Variants in CADPS observed in about 807,000 individuals in gnomAD.
CADPS encodes the protein calcium dependent secretion activator, also known as calcium-dependent secretion activator 1.
A neutral mutation model predicts 167.3 loss-of-function variants in CADPS; 57 were observed. The ratio of observed to expected loss-of-function variants is 0.34; its 90% CI spans 0.28 to 0.42. The LOEUF (loss-of-function observed/expected upper bound fraction) is 0.42. CADPS is among the 20% of genes least tolerant of loss of function. CADPS has a pLI of 1.00. For missense variants in CADPS, 1,414 were observed against 1,738.1 expected (o/e 0.81, Z 3.32); for synonymous variants, 676 against 635.3 (o/e 1.06, Z -0.96).
At position 62,492,372 on chromosome 3, in the gene CADPS, A is replaced by T; in HGVS notation, c.2802T>A (p.Asp934Glu). 3.1e-6 allele frequency: 5 copies of T among 1,614,128 alleles called. No individual in the cohort carries two copies. The highest frequency in any genetic ancestry group is 4.2e-6 in the Non-Finnish European group (5 of 1,179,952). Residue 934 changes from aspartate to glutamate, a missense_variant, in exon 20 of 30, where the codon GAT becomes GAA. Asp to Glu is a conservative substitution (Grantham distance 45). Around this residue, in one of 6 missense-constraint regions of CADPS, gnomAD observed 529 missense variants for 629.6 expected, o/e 0.84. Transcript: ENST00000383710. The stretch of plus-strand genomic sequence containing the variant: ...CTGGAGGTTGCACCTCTAAGGCTGC[A>T]TCCATGTCTACTGCAAAGAGTGACA... ...TFLSLFAVDM[D>E]AALEVQPPDT...
intron 3 of CADPS, among the ~76,000 whole-genome samples, chr3:62,744,232 G>A (rs1470348719): frequency 1.3e-5 from 2 of 152,052 alleles, no homozygotes; most frequent in Non-Finnish European, 2.9e-5. Flanking sequence ...AGGTATAATT[G>A]ATGTCCAAAC....
intron 1 of CADPS, among the ~76,000 whole-genome samples, chr3:62,822,662 T>C (rs1007530215): frequency 1.3e-5 from 2 of 151,974 alleles, no homozygotes; most frequent in African/African-American, 4.8e-5. Flanking sequence ...GCCTACACGG[T>C]GAAACCCCAT....
At chr3:62,802,271 T>C (rs777278099) in intron 1 of CADPS, among the ~76,000 whole-genome samples, 1 of 152,128 alleles carries the variant, frequency 6.6e-6, no homozygotes, top group African/African-American at 2.4e-5. Flanking sequence ...AAACACACTC[T>C]CATGAGTTTC....
At chr3:62,859,520 G>A (rs538247030) in intron 1 of CADPS, among the ~76,000 whole-genome samples, 2 of 152,198 alleles carry the variant, frequency 1.3e-5, no homozygotes, top group South Asian at 2.1e-4. Flanking sequence ...CTGCTGCTTC[G>A]GGGGGAGACG....
chr3:62,434,464 T>C (rs1485030291), intron 28 of CADPS, among the ~76,000 whole-genome samples: 1 of 152,284 alleles, frequency 6.6e-6, no homozygotes, highest in African/African-American at 2.4e-5. Context: ...GGAATCTTAA[T>C]GGCAAAAGCA....
intron 12 of CADPS, among the ~76,000 whole-genome samples, chr3:62,533,429 G>A (rs1009063722): frequency 1.3e-5 from 2 of 152,096 alleles, no homozygotes; most frequent in Admixed American, 1.3e-4. Flanking sequence ...TGGCAAAGTC[G>A]TGGTTACTGA....
chr3:62,822,315 T>C (rs927620129), intron 1 of CADPS, among the ~76,000 whole-genome samples: 1 of 152,186 alleles, frequency 6.6e-6, no homozygotes, highest in East Asian at 1.9e-4. Context: ...TTCCCTCAAA[T>C]GCCTAATTAC....
At chr3:62,599,336 A>G (rs984770259) in intron 6 of CADPS, among the ~76,000 whole-genome samples, 2 of 150,918 alleles carry the variant, frequency 1.3e-5, no homozygotes, top group African/African-American at 4.9e-5. Context: ...ATTATTGAGT[A>G]CTTATGATTT....
intron 3 of CADPS, among the ~76,000 whole-genome samples, chr3:62,751,483 G>A (rs192371621): frequency 6.6e-6 from 1 of 151,928 alleles, no homozygotes; most frequent in Non-Finnish European, 1.5e-5. Context: ...GTCTCGTTCT[G>A]TTGCCCAGGG....
chr3:62,658,836 G>A (rs1216423871), intron 4 of CADPS, among the ~76,000 whole-genome samples: 1 of 152,124 alleles, frequency 6.6e-6, no homozygotes, highest in Non-Finnish European at 1.5e-5. Context: ...ACCAAGTTGG[G>A]CCAGTGAGAG....
chr3:62,489,327 A>AT (rs1279028300), intron 21 of CADPS, among the ~76,000 whole-genome samples: 1 of 151,906 alleles, frequency 6.6e-6, no homozygotes, highest in Non-Finnish European at 1.5e-5. Context: ...CGCCCAGCTA[A>AT]TTTTTTGTAT....
chr3:62,576,629 G>GAAAAA (rs11445858), intron 8 of CADPS, among the ~76,000 whole-genome samples: 1 of 141,652 alleles, frequency 7.1e-6, no homozygotes, highest in Non-Finnish European at 1.5e-5. Context: ...CATTTCTACT[G>GAAAAA]AAAAAAAAAA....
At position 62,753,667 on chromosome 3, in the gene CADPS, C is replaced by T. The variant is rs201960341; in HGVS notation, c.662G>A (p.Ser221Asn). Residue 221 changes from serine (S) to asparagine (N), a missense_variant, in exon 3 of 30, where the codon AGC becomes AAC. By Grantham distance (46) the Ser-to-Asn change is conservative. Coordinates refer to ENST00000383710, the MANE Select transcript of CADPS (RefSeq NM_003716.4). This position sits in a 1 kb window ranked among gnomAD's most constrained non-coding sequence, Gnocchi z 4.6. Reference sequence around the variant, plus strand: ...GCTGAGGCCGTCAATCTCAGGCAGGCTGCGCACTCTCTTCTCAATGTGCTT... The same window carrying T: ...GCTGAGGCCGTCAATCTCAGGCAGGTTGCGCACTCTCTTCTCAATGTGCTT... ...FKKHIEKRVR[S>N]LPEIDGLSKE... is the part of the protein sequence containing the mutation. The T allele has an allele frequency of 9.3e-6, 15 of 1,614,216 alleles. No individual in the cohort carries two copies. The South Asian group carries it at 1.6e-4, about 18-fold the overall frequency.
chr3:62,680,200 G>A (rs950067487), intron 3 of CADPS, among the ~76,000 whole-genome samples: 6 of 103,202 alleles, frequency 5.8e-5, no homozygotes, highest in Admixed American at 3.5e-4. Flanking sequence ...GTGGCTAAGA[G>A]CCAAGTTGAG....
chr3:62,725,983 G>A (rs191351923), intron 3 of CADPS, among the ~76,000 whole-genome samples: 1 of 151,806 alleles, frequency 6.6e-6, no homozygotes, highest in Non-Finnish European at 1.5e-5. Flanking sequence ...TTGGACACTA[G>A]GCTCATCACA....
chr3:62,756,880 G>A (rs1148828), intron 2 of CADPS, among the ~76,000 whole-genome samples: 2 of 151,974 alleles, frequency 1.3e-5, no homozygotes, highest in African/African-American at 4.8e-5. Flanking sequence ...GGGCCAGAGA[G>A]TCCAGGGAGG....
At chr3:62,829,816 T>G (rs1577007131) in intron 1 of CADPS, among the ~76,000 whole-genome samples, 1 of 152,294 alleles carries the variant, frequency 6.6e-6, no homozygotes, top group East Asian at 1.9e-4. Flanking sequence ...TAGTTCCTAC[T>G]GAGAAGGAAC....
intron 28 of CADPS, among the ~76,000 whole-genome samples, chr3:62,424,607 G>T (rs907527042): frequency 1.3e-5 from 2 of 152,170 alleles, no homozygotes; most frequent in Admixed American, 6.5e-5. Flanking sequence ...GCTCAATAAG[G>T]TGGAAAACAG....
At chr3:62,531,699 C>T (rs990273606) in intron 13 of CADPS, among the ~76,000 whole-genome samples, 3 of 152,138 alleles carry the variant, frequency 2.0e-5, no homozygotes, top group African/African-American at 7.2e-5. Context: ...CTAGTGTTTC[C>T]TGGGTGTGGC....
Sources: gnomAD v4.1 joint callset for allele counts (sites outside exome capture counted in the v4.1 genomes callset) on GRCh38, gnomAD v4.1.1 for gene constraint, gnomAD v4.1.1 regional missense constraint, Gnocchi (gnomAD v3.1) non-coding constraint, MANE v1.5 for transcripts, NCBI Gene and HGNC (gene_info 2026-07-23, HGNC 2026-07-21) for gene names.